DGCR8: variants seen among roughly 807,000 people sequenced by gnomAD.
DGCR8 encodes DGCR8 microprocessor complex subunit.
In DGCR8, 14 loss-of-function variants were observed where a neutral mutation model predicts 78.5. The ratio of observed to expected loss-of-function variants is 0.18; its 90% CI spans 0.12 to 0.28. The LOEUF (loss-of-function observed/expected upper bound fraction) is 0.28. Ranked by LOEUF, DGCR8 falls within the 10% of genes least tolerant of loss-of-function variation. DGCR8 has a pLI of 1.00. For missense variants in DGCR8, 702 were observed against 1,022.5 expected, an observed-to-expected ratio of 0.69 and a Z score of 4.28; for synonymous variants, 399 against 402.4, an observed-to-expected ratio of 0.99 and a Z score of 0.10.
At chr22:20,103,454 A>G (rs990227090) in intron 9 of DGCR8, among the ~76,000 whole-genome samples, 2 of 152,224 alleles carry the variant, frequency 1.3e-5, no homozygotes, top group African/African-American at 4.8e-5. Context: ...GATTTATTCT[A>G]GTAGTTTTTC....
At chr22:20,092,931 AAG>A (rs1568955833) in intron 8 of DGCR8, 24 bp downstream of exon 8, 1 of 1,592,926 alleles carries the variant, frequency 6.3e-7, no homozygotes. Flanking sequence ...TTGGGTGTCA[AAG>A]ATACGTGCTG....
chr22:20,085,141 T>G lies in DGCR8; in HGVS notation c.-277-546T>G. The G allele has an allele frequency of 1.4e-3, 782 of 572,472 alleles. No homozygotes were observed. The highest frequency in any genetic ancestry group is 1.6e-3 in the Non-Finnish European group (706 of 452,790). 35.5% of individuals were successfully genotyped at this position (572,472 alleles called of 1,614,324 possible). On this transcript the variant is annotated intron_variant, in intron 1 of 13. Coordinates refer to ENST00000351989, the MANE Select transcript of DGCR8 (RefSeq NM_022720.7). This position sits in a 1 kb window ranked among gnomAD's most constrained non-coding sequence, Gnocchi z 6.2. ...TGCATCACTGTCCCCGTCCACGTGC[T>G]ACCCTGTGGGCCCAGGAGAGCCCTG...
Position 20,091,478 on chromosome 22 carries a change from T to C in DGCR8, c.1350T>C (p.Phe450=). The C allele has an allele frequency of 1.2e-6, 2 of 1,614,206 alleles. No individual in the cohort carries two copies. The highest frequency in any genetic ancestry group is 8.5e-7 in the Non-Finnish European group (1 of 1,180,034). ...GCTACCTGGAGAAGCGTTTTGACTT[T>C]GAGCAAGTTACTGTGAAAAAATTCA... is the stretch of plus-strand genomic sequence containing the variant. The part of the protein sequence containing the change: ...FRSYLEKRFD[F]EQVTVKKFRT... The change falls in exon 6 of 14, where the codon TTT becomes TTC. Residue 450 remains phenylalanine (F), a synonymous_variant. Coordinates refer to ENST00000351989, the MANE Select transcript of DGCR8 (RefSeq NM_022720.7).
At chr22:20,094,251 T>A (rs566037561) in intron 8 of DGCR8, among the ~76,000 whole-genome samples, 1 of 152,310 alleles carries the variant, frequency 6.6e-6, no homozygotes, top group Non-Finnish European at 1.5e-5. Context: ...AGTGGGCATA[T>A]CCGTGCCCTG....
Position 20,090,166 on chromosome 22 carries a change from C to T in DGCR8, c.1214C>T (p.Pro405Leu), listed in dbSNP as rs560910865. The change falls in exon 5 of 14, where the codon CCG becomes CTG. Residue 405 changes from proline (P) to leucine (L), a missense_variant. Physicochemically the swap from Pro to Leu is moderately conservative, Grantham distance 98. Around this residue, in one of 4 missense-constraint regions of DGCR8, gnomAD observed 119 missense variants for 126.1 expected, o/e 0.94. Transcript: ENST00000351989. ...PDSMGADPGPPDEKDPLGAEA... is the reference protein window; with the variant it reads ...PDSMGADPGPLDEKDPLGAEA... ...TCTATGGGTGCTGACCCGGGGCCCCCGGACGAGAAAGACCCACTAGGGGCT... is the reference window on the plus strand; with the variant it reads ...TCTATGGGTGCTGACCCGGGGCCCCTGGACGAGAAAGACCCACTAGGGGCT... 8.2e-5 allele frequency: 132 copies of T among 1,614,214 alleles called. No homozygotes were observed. The highest frequency in any genetic ancestry group is 9.6e-5 in the Non-Finnish European group (113 of 1,180,040).
At chr22:20,102,139 A>G in intron 9 of DGCR8, 2 of 906,410 alleles carry the variant, frequency 2.2e-6, no homozygotes, top group South Asian at 5.1e-5. Flanking sequence ...TTTTTGGTAC[A>G]GTACTGTGAG....
chr22:20,095,850 A>T (rs1410187116), intron 9 of DGCR8, among the ~76,000 whole-genome samples: 2 of 152,122 alleles, frequency 1.3e-5, no homozygotes, highest in African/African-American at 4.8e-5. Flanking sequence ...TCTGATGACG[A>T]TGGGAGACAG....
chr22:20,106,833 C>T (rs933648648), intron 11 of DGCR8, 135 bp downstream of exon 11: 28 of 683,506 alleles, frequency 4.1e-5, no homozygotes, highest in African/African-American at 1.8e-4. Flanking sequence ...GGCCACCACA[C>T]GTTCAGCCTA....
intron 9 of DGCR8, chr22:20,101,702 G>A (rs2147934650): frequency 1.0e-6 from 1 of 985,418 alleles, no homozygotes; most frequent in Non-Finnish European, 1.2e-6. Context: ...GCCATCTCCT[G>A]TTCCTGGGAA....
intron 8 of DGCR8, among the ~76,000 whole-genome samples, chr22:20,093,136 T>G (rs989426558): frequency 6.6e-6 from 1 of 151,938 alleles, no homozygotes; most frequent in Non-Finnish European, 1.5e-5. Context: ...CCGGGCGTGG[T>G]GTCTCATGCC....
At chr22:20,095,048 T>C (rs998494571) in intron 9 of DGCR8, among the ~76,000 whole-genome samples, 1 of 152,204 alleles carries the variant, frequency 6.6e-6, no homozygotes, top group Non-Finnish European at 1.5e-5. Context: ...GTGTGCACCG[T>C]AAATGTCGGG....
At chr22:20,096,515 T>C in intron 9 of DGCR8, 1 of 980,114 alleles carries the variant, frequency 1.0e-6, no homozygotes, top group Non-Finnish European at 1.2e-6. Context: ...CTTATTTATA[T>C]AATAGCTTTA....
chr22:20,111,240 C>T lies in DGCR8; in HGVS notation c.*1132C>T. 2.5e-6 allele frequency: 1 copy of T among 398,854 alleles called. No individual in the cohort carries two copies. The highest frequency in any genetic ancestry group is 3.6e-5 in the East Asian group (1 of 28,070). 24.7% of individuals were successfully genotyped at this position (398,854 alleles called of 1,614,324 possible). On this transcript the variant is annotated 3_prime_UTR_variant, in exon 14 of 14. Coordinates refer to ENST00000351989, the MANE Select transcript of DGCR8 (RefSeq NM_022720.7). ...GCACCAGGGTGTGCTCAAAGGCTGG[C>T]CCTGGTGGTGGACTGGCACCTGTGC...
chr22:20,099,279 GT>G (rs1410622949), intron 9 of DGCR8, among the ~76,000 whole-genome samples: 2 of 152,202 alleles, frequency 1.3e-5, no homozygotes, highest in Non-Finnish European at 2.9e-5. Flanking sequence ...TCCTTCTTGG[GT>G]TCTTGGCCAG....
intron 9 of DGCR8, among the ~76,000 whole-genome samples, chr22:20,102,669 A>G (rs9606250): frequency 2.0e-5 from 3 of 152,024 alleles, no homozygotes; most frequent in Admixed American, 6.5e-5. Context: ...GGGGCTGTCT[A>G]CTGTCTTTCG....
Position 20,110,440 on chromosome 22 carries a change from TTTAG to T in DGCR8, c.*334_*337del, listed in dbSNP as rs926675351. ...TCTTTTTATGAAGGCTTTCATGAAT[TTTAG>T]TATGTAATACGCACTGACGACACAT... On this transcript the variant is annotated 3_prime_UTR_variant, in exon 14 of 14. Transcript: ENST00000351989. 3.3e-6 allele frequency: 1 copy of T among 300,278 alleles called. No individual in the cohort carries two copies. The highest frequency in any genetic ancestry group is 2.2e-5 in the African/African-American group (1 of 46,044). 18.6% of individuals were successfully genotyped at this position (300,278 alleles called of 1,614,324 possible). A position where few individuals can be genotyped will look rare whatever the true frequency, so the allele number is the denominator to read the frequency against.
chr22:20,101,673 G>A (rs1310156383), intron 9 of DGCR8: 1 of 985,338 alleles, frequency 1.0e-6, no homozygotes, highest in African/African-American at 1.7e-5. Flanking sequence ...AGGGTGGTGG[G>A]GGTGTTTAGA....
chr22:20,080,457 C>A, intron 1 of DGCR8, 74 bp downstream of exon 1: 1 of 981,984 alleles, frequency 1.0e-6, no homozygotes, highest in Non-Finnish European at 1.2e-6. Flanking sequence ...CGCGCCCTTC[C>A]CTCCCGCCTC....
intron 1 of DGCR8, among the ~76,000 whole-genome samples, chr22:20,082,048 TTTC>T (rs1446171719): frequency 2.8e-5 from 4 of 143,264 alleles, no homozygotes; most frequent in Non-Finnish European, 6.1e-5. Flanking sequence ...TTCTTCTTTC[TTTC>T]TTTTTTTTTT....
Sources: allele counts gnomAD v4.1 joint callset (sites outside exome capture counted in the v4.1 genomes callset), GRCh38; gene constraint gnomAD v4.1.1; regional missense constraint gnomAD v4.1.1; non-coding constraint Gnocchi (gnomAD v3.1); transcripts MANE v1.5; gene names NCBI Gene and HGNC (gene_info 2026-07-23, HGNC 2026-07-21).